The following FAM13B variants were observed in gnomAD, a reference collection of about 807,000 sequenced individuals.
FAM13B encodes the protein family with sequence similarity 13 member B.
A neutral mutation model predicts 117.3 loss-of-function variants in FAM13B; 60 were observed. That is an observed-to-expected ratio of 0.51 (90% CI 0.42 to 0.63). The LOEUF is 0.63. Among genes scored for constraint, FAM13B ranks in the 30% least tolerant of loss-of-function variants. The pLI is 0.00. For synonymous variants in FAM13B, 332 were observed against 356.1 expected (o/e 0.93, Z 0.76); for missense variants, 972 against 1,091.9 (o/e 0.89, Z 1.55).
intron 1 of FAM13B, among the ~76,000 whole-genome samples, chr5:138,021,812 T>C (rs1309755408): frequency 1.2e-4 from 18 of 152,106 alleles, no homozygotes; most frequent in Non-Finnish European, 2.9e-5. Flanking sequence ...TTTCTTTATA[T>C]AAAACAAGAA....
At position 137,956,500 on chromosome 5, in the gene FAM13B, ATT is replaced by A; in HGVS notation, c.1482_1483del (p.Met495AlafsTer14). ...ACCCTCCCCATCTCTCTGCAGATGCATTGTTTTGAAATCAATGAGGGGAAAAG... is the reference window on the plus strand; with the variant it reads ...ACCCTCCCCATCTCTCTGCAGATGCAGTTTTGAAATCAATGAGGGGAAAAG... On this transcript the variant is annotated frameshift_variant, in exon 14 of 24. Transcript: ENST00000689681. LOFTEE classifies it high-confidence loss of function. The A allele has an allele frequency of 6.2e-7, 1 of 1,601,788 alleles. No individual in the cohort carries two copies. Among genetic ancestry groups the A allele is most frequent in the Non-Finnish European group, 8.5e-7 (1 of 1,173,770 alleles).
chr5:137,994,751 T>G (rs555398548), intron 7 of FAM13B, among the ~76,000 whole-genome samples: 8 of 152,218 alleles, frequency 5.3e-5, no homozygotes, highest in Non-Finnish European at 8.8e-5. Flanking sequence ...AAGCACAACA[T>G]TGAAGACTAT....
chr5:138,031,049 G>A (rs1789849333), intron 1 of FAM13B, among the ~76,000 whole-genome samples: 1 of 151,670 alleles, frequency 6.6e-6, no homozygotes, highest in Admixed American at 6.6e-5. Context: ...AAACAAAACA[G>A]TAATTTACAC....
upstream of FAM13B, among the ~76,000 whole-genome samples, chr5:138,033,347 A>C (rs1790701859): frequency 2.6e-5 from 4 of 152,200 alleles, no homozygotes; most frequent in Admixed American, 2.6e-4. Context: ...GGAAAGATAA[A>C]GGGAAAATCC....
chr5:138,021,237 T>C (rs541480344), intron 1 of FAM13B, 40 bp from the exon 2 acceptor site: 7 of 1,217,524 alleles, frequency 5.7e-6, no homozygotes, highest in Non-Finnish European at 7.2e-6. Flanking sequence ...CCCACATCTT[T>C]AACTGTCAGA....
intron 17 of FAM13B, among the ~76,000 whole-genome samples, chr5:137,949,922 C>G (rs1764480180): frequency 1.3e-5 from 2 of 151,910 alleles, no homozygotes; most frequent in South Asian, 4.2e-4. Flanking sequence ...GAGACTGCAC[C>G]ACTGCAATGC....
intron 13 of FAM13B, among the ~76,000 whole-genome samples, chr5:137,957,105 AG>A (rs1036687532): frequency 2.0e-5 from 3 of 152,258 alleles, no homozygotes; most frequent in African/African-American, 7.2e-5. Context: ...CTATGTACTT[AG>A]GAATAGTGAC....
At chr5:138,022,704 G>A (rs985261233) in intron 1 of FAM13B, among the ~76,000 whole-genome samples, 3 of 152,098 alleles carry the variant, frequency 2.0e-5, no homozygotes, top group Non-Finnish European at 4.4e-5. Context: ...ACATAAAGGG[G>A]GATTTGCTTG....
chr5:137,962,682 T>G (rs1219590456), intron 10 of FAM13B, among the ~76,000 whole-genome samples: 1 of 152,188 alleles, frequency 6.6e-6, no homozygotes, highest in Admixed American at 6.5e-5. Context: ...GCAGGTACTC[T>G]GCATTTCTCT....
chr5:138,046,430 C>T (rs534881625), intron 1 of FAM13B, among the ~76,000 whole-genome samples: 1 of 152,192 alleles, frequency 6.6e-6, no homozygotes, highest in African/African-American at 2.4e-5. Context: ...ACAAGGCGAG[C>T]TTTGAGGAAG....
chr5:138,019,334 A>T (rs1474665910), intron 2 of FAM13B, among the ~76,000 whole-genome samples, 188 bp from the exon 3 acceptor site: 2 of 152,198 alleles, frequency 1.3e-5, no homozygotes, highest in East Asian at 3.8e-4. Flanking sequence ...CCCTATTACG[A>T]AGAGTTAGTG....
At chr5:137,996,829 C>T (rs116626957) in intron 7 of FAM13B, among the ~76,000 whole-genome samples, 1,699 of 152,152 alleles carry the variant, frequency 0.011, 27 homozygotes, top group African/African-American at 0.039. Flanking sequence ...CTGATGACCT[C>T]GTGATCCACC....
rs77461936 is a variant in FAM13B, at chr5:138,030,722, C to A, written c.-203+2060G>T. Reference sequence around the variant, plus strand: ...AGAATGAAACTCCGTCCCCCCCCCCCAAAAAAAAAAATTGAACGTAAGGCT... The same window carrying A: ...AGAATGAAACTCCGTCCCCCCCCCCAAAAAAAAAAAATTGAACGTAAGGCT... On this transcript the variant is annotated intron_variant, in intron 1 of 23. Coordinates refer to ENST00000689681, the MANE Select transcript of FAM13B (RefSeq NM_001385994.1). Among the ~76,000 whole-genome samples, 139 of 131,868 alleles carry A rather than the reference C, an allele frequency of 1.1e-3. 1 individual carries two copies. The highest frequency in any genetic ancestry group is 1.9e-3 in the African/African-American group (69 of 35,644). The allele number at this position is 131,868 out of a possible 152,430, so 86.5% of individuals were successfully genotyped here. A position where few individuals can be genotyped will look rare whatever the true frequency, so the allele number is the denominator to read the frequency against.
intron 7 of FAM13B, among the ~76,000 whole-genome samples, chr5:138,004,059 A>G (rs1049345872): frequency 1.3e-5 from 2 of 152,166 alleles, no homozygotes; most frequent in African/African-American, 4.8e-5. Flanking sequence ...ACCTGAAGTC[A>G]GGAGTTTGAG....
chr5:138,010,482 T>G (rs1783702543), intron 6 of FAM13B, among the ~76,000 whole-genome samples: 1 of 152,136 alleles, frequency 6.6e-6, no homozygotes, highest in African/African-American at 2.4e-5. Context: ...TAATGTAACC[T>G]CAGAAAGAGA....
chr5:137,999,817 G>C (rs1303885195), intron 7 of FAM13B, among the ~76,000 whole-genome samples: 1 of 152,168 alleles, frequency 6.6e-6, no homozygotes, highest in African/African-American at 2.4e-5. Flanking sequence ...TTACCACTGA[G>C]TGAAAGGGCT....
upstream of FAM13B, chr5:138,033,834 T>C (rs1790787776): frequency 6.6e-6 from 1 of 152,238 alleles, no homozygotes; most frequent in Non-Finnish European, 1.5e-5. Flanking sequence ...TTTGAGATCT[T>C]CCATTTGGAC....
chr5:138,033,006 G>C lies in FAM13B; in HGVS notation c.-427C>G, dbSNP rs1790578740. On this transcript the variant is annotated 5_prime_UTR_variant, in exon 1 of 24. Transcript: ENST00000689681. ...GTGGTGGCGACGCAGACGCGGAACA[G>C]GGGGAGAGAGTGGCGACAGAGGCGG... 1 of 987,256 alleles carries C rather than the reference G, an allele frequency of 1.0e-6. No homozygotes were observed. The highest frequency in any genetic ancestry group is 1.2e-6 in the Non-Finnish European group (1 of 831,484). 61.2% of individuals were successfully genotyped at this position (987,256 alleles called of 1,614,324 possible). A position where few individuals can be genotyped will look rare whatever the true frequency, so the allele number is the denominator to read the frequency against.
chr5:137,964,551 T>A (rs775662338), intron 10 of FAM13B, among the ~76,000 whole-genome samples: 2 of 148,514 alleles, frequency 1.3e-5, no homozygotes, highest in Non-Finnish European at 3.0e-5. Flanking sequence ...CGAAACCCCA[T>A]CTCCACTAAA....
Sources: allele counts gnomAD v4.1 joint callset (sites outside exome capture counted in the v4.1 genomes callset), GRCh38; gene constraint gnomAD v4.1.1; transcripts MANE v1.5; gene names NCBI Gene and HGNC (gene_info 2026-07-23, HGNC 2026-07-21).